The following PCTP variants were observed in gnomAD, a reference collection of about 807,000 sequenced individuals.
PCTP encodes the protein phosphatidylcholine transfer protein.
In PCTP, 27 loss-of-function variants were observed where a neutral mutation model predicts 31.0. The ratio of observed to expected loss-of-function variants is 0.87; its 90% confidence interval spans 0.64 to 1.20. The LOEUF is 1.20. Among genes scored for constraint, PCTP ranks in the 50% most tolerant of loss-of-function variants. The pLI, the probability that PCTP is intolerant of heterozygous loss-of-function variation, is 0.00. For missense variants in PCTP, 287 were observed against 268.2 expected (o/e 1.07, Z -0.49); for synonymous variants, 108 against 101.2 (o/e 1.07, Z -0.40).
chr17:55,765,283 C>A (rs1910575749), intron 1 of PCTP, among the ~76,000 whole-genome samples: 1 of 152,088 alleles, frequency 6.6e-6, no homozygotes, highest in Non-Finnish European at 1.5e-5. Flanking sequence ...TATGTGACAC[C>A]CTTACTTGGA....
chr17:55,756,190 G>A (rs12939801), intron 1 of PCTP, among the ~76,000 whole-genome samples: 16,563 of 152,290 alleles, frequency 0.11, 996 homozygotes, highest in African/African-American at 0.15. Context: ...GGTGAAGAAG[G>A]AACATGGTGC....
intron 5 of PCTP, among the ~76,000 whole-genome samples, chr17:55,836,236 TA>T (rs1208295200): frequency 6.6e-6 from 1 of 152,212 alleles, no homozygotes; most frequent in Non-Finnish European, 1.5e-5. Context: ...TTCCAATTCA[TA>T]AAAAATGACA....
At chr17:55,799,917 T>C (rs140566433) in intron 3 of PCTP, among the ~76,000 whole-genome samples, 4,084 of 152,284 alleles carry the variant, frequency 0.027, 182 homozygotes, top group African/African-American at 0.094. Flanking sequence ...CTCTTCTGGC[T>C]TGTAGGGTTT....
Position 55,776,442 on chromosome 17 carries a change from C to T in PCTP, c.*342C>T. ...GGAAGTCTTCAGTAGGGAACACGAT[C>T]ATTCCATTGTGCAATTTTACGGGGA... On this transcript the variant is annotated 3_prime_UTR_variant, in exon 6 of 6. Transcript: ENST00000268896. 8.1e-7 allele frequency: 1 copy of T among 1,233,618 alleles called. No individual in the cohort carries two copies. The highest frequency in any genetic ancestry group is 1.0e-6 in the Non-Finnish European group (1 of 989,206). 76.4% of individuals were successfully genotyped at this position (1,233,618 alleles called of 1,614,324 possible).
At chr17:55,845,085 C>CAAAAAAAAAAAAA (rs891404386), downstream of PCTP, among the ~76,000 whole-genome samples, 207 of 32,508 alleles carry the variant, frequency 6.4e-3, 17 homozygotes, top group East Asian at 0.029. Context: ...AAAACTCCAT[C>CAAAAAAAAAAAAA]AAAAAAAAAA....
At chr17:55,800,768 A>T (rs2145024847) in intron 3 of PCTP, among the ~76,000 whole-genome samples, 1 of 151,974 alleles carries the variant, frequency 6.6e-6, no homozygotes. Context: ...GGATTTATCT[A>T]CTTTTGGTCT....
In PCTP at chr17:55,805,137, G is replaced by A. The variant is rs981899395; in HGVS notation, c.317+17483G>A. 1.2e-4 allele frequency among the ~76,000 whole-genome samples: 18 copies of A among 152,126 alleles called. No homozygotes were observed. The Middle Eastern group carries it at 0.01, about 86-fold the overall frequency. ...GCTTTAAGCAACTGAATTTGGGGAT[G>A]GGTTGTTTTACATCAATAGATAAAC... is the stretch of plus-strand genomic sequence containing the variant. On this transcript the variant is annotated intron_variant, in intron 3 of 3. Coordinates refer to the PCTP transcript ENST00000572536.
chr17:55,828,894 C>A (rs941444607), intron 5 of PCTP, among the ~76,000 whole-genome samples: 1 of 152,132 alleles, frequency 6.6e-6, no homozygotes, highest in African/African-American at 2.4e-5. Context: ...CGGATATGGC[C>A]CCAGTCAGGA....
downstream of PCTP, among the ~76,000 whole-genome samples, chr17:55,845,250 T>TTCCC (rs1486501172): frequency 6.6e-6 from 1 of 152,058 alleles, no homozygotes; most frequent in African/African-American, 2.4e-5. Flanking sequence ...CCAATAGGTG[T>TTCCC]TTATTTTGAC....
chr17:55,807,900 C>T (rs1280979339), intron 3 of PCTP, among the ~76,000 whole-genome samples: 1 of 152,142 alleles, frequency 6.6e-6, no homozygotes. Context: ...AGCATTTTCA[C>T]ATTCATTATC....
chr17:55,778,210 C>CA (rs57503627), downstream of PCTP, among the ~76,000 whole-genome samples: 20,732 of 111,478 alleles, frequency 0.19, 1,628 homozygotes, highest in East Asian at 0.39. Flanking sequence ...GTGCCAAAGT[C>CA]AAAAAAAAAA....
intron 3 of PCTP, among the ~76,000 whole-genome samples, chr17:55,799,072 G>C (rs1412854943): frequency 2.2e-4 from 33 of 151,828 alleles, no homozygotes; most frequent in Non-Finnish European, 5.9e-5. Context: ...AAGCTAATGG[G>C]GGGGGAATGC....
At chr17:55,800,495 T>C (rs901485376) in intron 3 of PCTP, among the ~76,000 whole-genome samples, 10 of 152,082 alleles carry the variant, frequency 6.6e-5, no homozygotes, top group Admixed American at 4.6e-4. Context: ...TCAAGATTCC[T>C]AGCTTCCTTG....
intron 3 of PCTP, among the ~76,000 whole-genome samples, chr17:55,817,332 T>G (rs1489137385): frequency 1.3e-5 from 2 of 152,200 alleles, no homozygotes; most frequent in African/African-American, 4.8e-5. Flanking sequence ...TGCTAAAACT[T>G]TGCTCTAAGA....
intron 2 of PCTP, among the ~76,000 whole-genome samples, chr17:55,785,892 A>T (rs1255085389): frequency 6.6e-6 from 1 of 152,158 alleles, no homozygotes; most frequent in Non-Finnish European, 1.5e-5. Context: ...AGGCTAATTA[A>T]TTTTAGTATA....
chr17:55,760,802 G>A (rs888518022), intron 1 of PCTP, among the ~76,000 whole-genome samples: 3 of 152,098 alleles, frequency 2.0e-5, no homozygotes, highest in African/African-American at 4.8e-5. Context: ...TGGGAGGTCC[G>A]TTCTGGGTGG....
chr17:55,775,910 C>A (rs1194701198), intron 5 of PCTP, 125 bp from the exon 6 acceptor site: 6 of 1,452,880 alleles, frequency 4.1e-6, no homozygotes, highest in Non-Finnish European at 5.4e-6. Flanking sequence ...TGTTGAAATC[C>A]AGTTAGGGAG....
chr17:55,851,167 A>AT, the PCTP span, among the ~76,000 whole-genome samples: 1 of 152,126 alleles, frequency 6.6e-6, no homozygotes, highest in Non-Finnish European at 1.5e-5. Flanking sequence ...CTTAGATCCT[A>AT]TTTTTTCTTA....
chr17:55,786,565 T>C (rs1461352206), intron 2 of PCTP, among the ~76,000 whole-genome samples: 1 of 152,248 alleles, frequency 6.6e-6, no homozygotes, highest in Non-Finnish European at 1.5e-5. Flanking sequence ...CTTTCATCTA[T>C]TGACCTCAGA....
Sources: gnomAD v4.1 joint callset for allele counts (sites outside exome capture counted in the v4.1 genomes callset) on GRCh38, gnomAD v4.1.1 for gene constraint, MANE v1.5 for transcripts, NCBI Gene and HGNC (gene_info 2026-07-23, HGNC 2026-07-21) for gene names.